ZC3H18: variants seen among roughly 807,000 people sequenced by gnomAD.
ZC3H18 encodes zinc finger CCCH domain-containing protein 18.
A neutral mutation model predicts 106.1 loss-of-function variants in ZC3H18; 8 were observed. That is an observed-to-expected ratio of 0.08 (90% CI 0.04 to 0.14). ZC3H18 has a LOEUF of 0.14. Among genes scored for constraint, ZC3H18 ranks in the 10% least tolerant of loss-of-function variants. The pLI is 1.00. For missense variants in ZC3H18, 1,318 were observed against 1,278.4 expected, an observed-to-expected ratio of 1.03 and a Z score of -0.47; for synonymous variants, 635 against 522.1, an observed-to-expected ratio of 1.22 and a Z score of -2.95.
chr16:88,599,672 C>T lies in ZC3H18; in HGVS notation c.931-119C>T, dbSNP rs192779634. The T allele has an allele frequency of 2.9e-3, 3,465 of 1,202,812 alleles. 7 individuals are homozygous for T. The highest frequency in any genetic ancestry group is 3.4e-3 in the Non-Finnish European group (2,919 of 860,624). 74.5% of individuals were successfully genotyped at this position (1,202,812 alleles called of 1,614,324 possible). On this transcript the variant is annotated intron_variant, in intron 5 of 17. Transcript: ENST00000301011. ...CCCCTCACCCCTTGAGCACTTGCAG[C>T]GTGCAGCTCCTGCTCCTGCAGGGCT...
intron 6 of ZC3H18, among the ~76,000 whole-genome samples, chr16:88,601,511 GT>G (rs1344992596): frequency 6.6e-6 from 1 of 152,084 alleles, no homozygotes; most frequent in Non-Finnish European, 1.5e-5. Flanking sequence ...GGTCTCTGAG[GT>G]TTTTTGGAGT....
intron 6 of ZC3H18, among the ~76,000 whole-genome samples, chr16:88,601,192 A>T (rs1329076750): frequency 6.6e-6 from 1 of 152,234 alleles, no homozygotes; most frequent in Non-Finnish European, 1.5e-5. Flanking sequence ...AGGTATTTAA[A>T]GACTTGGTTA....
intron 7 of ZC3H18, among the ~76,000 whole-genome samples, chr16:88,609,980 G>A (rs1461840525): frequency 2.6e-5 from 4 of 151,872 alleles, no homozygotes; most frequent in African/African-American, 9.7e-5. Context: ...CCCTGCTCGG[G>A]CGTGTCACTC....
chr16:88,625,185 T>C lies in ZC3H18; in HGVS notation c.2043-17T>C. On this transcript the variant is annotated splice_polypyrimidine_tract_variant and intron_variant, in intron 12 of 17. Transcript: ENST00000301011. ...GGAGGCCACGCCCCCTGAGCCCCGC[T>C]GTTGCTTGTATTACAGGCGGACGCT... is the stretch of plus-strand genomic sequence containing the variant. The C allele has an allele frequency of 1.3e-6, 2 of 1,572,670 alleles. No individual in the cohort carries two copies. The highest frequency in any genetic ancestry group is 1.7e-6 in the Non-Finnish European group (2 of 1,159,182).
chr16:88,631,175 G>A lies in ZC3H18; in HGVS notation c.2738G>A (p.Gly913Asp), dbSNP rs757235420. 9 of 1,613,670 alleles carry A rather than the reference G, an allele frequency of 5.6e-6. No individual in the cohort carries two copies. The South Asian group carries it at 7.7e-5, about 14-fold the overall frequency. Residue 913 changes from glycine to aspartate, a missense_variant, in exon 18 of 18, where the codon GGC (glycine) becomes GAC (aspartate). By Grantham distance (94) the Gly-to-Asp change is moderately conservative (BLOSUM62 -1). This residue lies in a region of ZC3H18 where 848 missense variants were observed against 821.7 expected (regional missense o/e 1.03). Transcript: ENST00000301011. ...GTGCCCGGCAAAGCCTCGGATCCCG[G>A]CGCCGCCAGCACCAAATCAGGGAAG... ...TSVPGKASDPGAASTKSGKAS... is the reference protein window; with the variant it reads ...TSVPGKASDPDAASTKSGKAS...
intron 3 of ZC3H18, 123 bp downstream of exon 3, chr16:88,586,807 AGGTGGTGGTGGT>A (rs113134808): frequency 6.5e-5 from 32 of 493,922 alleles, no homozygotes; most frequent in East Asian, 1.9e-4. Context: ...ATTACTGGCT[AGGTGGTGGTGGT>A]GGTGGTGGTG....
intron 2 of ZC3H18, among the ~76,000 whole-genome samples, chr16:88,585,789 G>T (rs1915397666): frequency 6.6e-6 from 1 of 152,122 alleles, no homozygotes; most frequent in Non-Finnish European, 1.5e-5. Flanking sequence ...CAGGAGATGG[G>T]GAGGGGGATC....
chr16:88,586,707 TTCTC>T lies in ZC3H18; in HGVS notation c.688+24_688+27del, dbSNP rs771446177. 378 of 1,607,358 alleles carry T rather than the reference TTCTC, an allele frequency of 2.4e-4. 2 individuals are homozygous for T. In the East Asian group the frequency reaches 2.6e-3, roughly 11 times the overall value. ...AAGGTAATTGTCTGCGTGTGAGGCC[TTCTC>T]GCAGCCAGCTGGGGCCCCACCTTCT... is the stretch of plus-strand genomic sequence containing the variant. On this transcript the variant is annotated intron_variant, in intron 3 of 17. Transcript: ENST00000301011.
At chr16:88,573,146 G>A (rs951745060) in intron 1 of ZC3H18, among the ~76,000 whole-genome samples, 2 of 151,998 alleles carry the variant, frequency 1.3e-5, no homozygotes, top group African/African-American at 4.8e-5. Context: ...TTCCAAGGTT[G>A]ACATTAAACT....
At chr16:88,587,389 GCATATTTCTTGT>G (rs1326472421) in intron 3 of ZC3H18, among the ~76,000 whole-genome samples, 1 of 152,160 alleles carries the variant, frequency 6.6e-6, no homozygotes, top group Non-Finnish European at 1.5e-5. Context: ...AGTAGTTTTG[GCATATTTCTTGT>G]AATTCAGCGT....
intron 1 of ZC3H18, among the ~76,000 whole-genome samples, chr16:88,576,012 T>G (rs1914725618): frequency 6.6e-6 from 1 of 152,214 alleles, no homozygotes; most frequent in South Asian, 2.1e-4. Context: ...GCCTTTCTCC[T>G]GCCTCAGCCT....
chr16:88,619,497 G>C (rs1274406146), intron 8 of ZC3H18, among the ~76,000 whole-genome samples: 1 of 152,096 alleles, frequency 6.6e-6, no homozygotes, highest in Non-Finnish European at 1.5e-5. Flanking sequence ...CCCAGAGAAG[G>C]AGAGACCTCA....
intron 7 of ZC3H18, 42 bp from the exon 8 acceptor site, chr16:88,611,226 A>C (rs753727228): frequency 1.4e-6 from 1 of 731,982 alleles, no homozygotes; most frequent in Non-Finnish European, 2.5e-6. Context: ...CTGTCACCCA[A>C]ATAACGCACG....
At chr16:88,590,779 C>G (rs12929697) in intron 3 of ZC3H18, among the ~76,000 whole-genome samples, 1 of 151,166 alleles carries the variant, frequency 6.6e-6, no homozygotes, top group Non-Finnish European at 1.5e-5. Context: ...AGGCTGGTCT[C>G]GAACCCCTGA....
In ZC3H18 at chr16:88,594,894, G is replaced by A. The variant is rs547643086; in HGVS notation, c.689-3284G>A. 1.6e-3 allele frequency among the ~76,000 whole-genome samples: 243 copies of A among 152,352 alleles called. 1 individual carries two copies. Among genetic ancestry groups the A allele is most frequent in the African/African-American group, 5.4e-3 (224 of 41,584 alleles). On this transcript the variant is annotated intron_variant, in intron 3 of 17. Coordinates refer to ENST00000301011, the MANE Select transcript of ZC3H18 (RefSeq NM_144604.4). ...TGGCTGGGCGTGGTGGTTCATGCCTGTAATCCCAGCACTTTGGGAGGCCGA... is the reference window on the plus strand; with the variant it reads ...TGGCTGGGCGTGGTGGTTCATGCCTATAATCCCAGCACTTTGGGAGGCCGA...
chr16:88,604,961 G>A lies in ZC3H18; in HGVS notation c.1089-3973G>A, dbSNP rs76628167. On this transcript the variant is annotated intron_variant, in intron 6 of 17. Coordinates refer to ENST00000301011, the MANE Select transcript of ZC3H18 (RefSeq NM_144604.4). Reference sequence around the variant, plus strand: ...CCCCCAGCACAGAGAGTAGTGCAGTGCCGGTGTATTAGAGGCGGAGGTGCA... The same window carrying A: ...CCCCCAGCACAGAGAGTAGTGCAGTACCGGTGTATTAGAGGCGGAGGTGCA... 2.8e-3 allele frequency among the ~76,000 whole-genome samples: 424 copies of A among 152,310 alleles called. 1 individual carries two copies. Among genetic ancestry groups the A allele is most frequent in the African/African-American group, 9.5e-3 (394 of 41,578 alleles).
At position 88,586,761 on chromosome 16, in the gene ZC3H18, G is replaced by A. The variant is rs1224626910; in HGVS notation, c.688+77G>A. The stretch of plus-strand genomic sequence containing the variant: ...TGGGGCTGTGGTGCTGGCTCACCTT[G>A]CCAGGCCCTGCTCTGCTCAAGGCAG... On this transcript the variant is annotated intron_variant, in intron 3 of 17. Transcript: ENST00000301011. The A allele has an allele frequency of 3.5e-6, 4 of 1,158,014 alleles. No individual in the cohort carries two copies. In the African/African-American group the frequency reaches 4.6e-5, roughly 13 times the overall value. 71.7% of individuals were successfully genotyped at this position (1,158,014 alleles called of 1,614,324 possible). A position where few individuals can be genotyped will look rare whatever the true frequency, so the allele number is the denominator to read the frequency against.
At chr16:88,629,710 G>A (rs1213919539) in intron 16 of ZC3H18, among the ~76,000 whole-genome samples, 7 of 152,220 alleles carry the variant, frequency 4.6e-5, no homozygotes, top group Non-Finnish European at 1.0e-4. Context: ...GGGACCCCCA[G>A]CCATGCTGAC....
chr16:88,628,865 C>T lies in ZC3H18; in HGVS notation c.2566+11C>T, dbSNP rs555844621. 6.8e-6 allele frequency: 11 copies of T among 1,613,704 alleles called. No individual in the cohort carries two copies. In the Admixed American group the frequency reaches 1.8e-4, roughly 27 times the overall value. On this transcript the variant is annotated intron_variant, in intron 16 of 17. Coordinates refer to ENST00000301011, the MANE Select transcript of ZC3H18 (RefSeq NM_144604.4). ...CATCCCCAGACCGAGGTGAGCCTCCCAGCCCCTAGGGGGCAGGGCAGAGGG... is the reference window on the plus strand; with the variant it reads ...CATCCCCAGACCGAGGTGAGCCTCCTAGCCCCTAGGGGGCAGGGCAGAGGG...
Sources: allele counts gnomAD v4.1 joint callset (sites outside exome capture counted in the v4.1 genomes callset), GRCh38; gene constraint gnomAD v4.1.1; regional missense constraint gnomAD v4.1.1; transcripts MANE v1.5; gene names NCBI Gene and HGNC (gene_info 2026-07-23, HGNC 2026-07-21).